Variants in SLC26A4 observed in about 807,000 individuals in gnomAD.
SLC26A4 encodes the protein solute carrier family 26 member 4, also known as pendrin.
A neutral mutation model predicts 90.4 loss-of-function variants in SLC26A4; 93 were observed. The ratio of observed to expected loss-of-function variants is 1.03; its 90% CI spans 0.87 to 1.22. SLC26A4 has a LOEUF of 1.22. SLC26A4 is among the 50% of genes most tolerant of loss of function. The pLI, the probability that SLC26A4 is intolerant of heterozygous loss-of-function variation, is 0.00. For missense variants in SLC26A4, 1,127 were observed against 946.2 expected, an observed-to-expected ratio of 1.19 and a Z score of -2.51; for synonymous variants, 393 against 354.6, an observed-to-expected ratio of 1.11 and a Z score of -1.22.
At chr7:107,704,159 A>T (rs1791975010) in intron 17 of SLC26A4, among the ~76,000 whole-genome samples, 172 bp from the exon 18 acceptor site, 1 of 152,212 alleles carries the variant, frequency 6.6e-6, no homozygotes, top group Non-Finnish European at 1.5e-5. Context: ...AATCCTAATT[A>T]TACCATTACT....
At chr7:107,715,354 A>G (rs1406547023) in intron 20 of SLC26A4, 69 bp from the exon 21 acceptor site, 1 of 1,246,120 alleles carries the variant, frequency 8.0e-7, no homozygotes, top group African/African-American at 1.5e-5. Context: ...ACATATTTAT[A>G]AAAAAGATAA....
At chr7:107,665,379 C>T (rs750755944) in intron 3 of SLC26A4, among the ~76,000 whole-genome samples, 6 of 151,946 alleles carry the variant, frequency 3.9e-5, no homozygotes, top group African/African-American at 7.3e-5. Flanking sequence ...CAAAGGTGGA[C>T]GGGAGAGAGA....
intron 9 of SLC26A4, 78 bp from the exon 10 acceptor site, chr7:107,690,046 T>C: frequency 5.7e-6 from 5 of 874,926 alleles, no homozygotes; most frequent in Non-Finnish European, 9.9e-6. Flanking sequence ...TCATTCTTAA[T>C]GTACTTCCTG....
At chr7:107,707,901 A>G (rs370793076) in intron 18 of SLC26A4, among the ~76,000 whole-genome samples, 14 of 152,210 alleles carry the variant, frequency 9.2e-5, no homozygotes, top group East Asian at 3.8e-4. Context: ...GTCAAATACC[A>G]AAGGTTTAAA....
chr7:107,712,741 A>T, intron 20 of SLC26A4, 119 bp downstream of exon 20: 1 of 710,164 alleles, frequency 1.4e-6, no homozygotes, highest in Non-Finnish European at 2.6e-6. Flanking sequence ...CCAAATGCAG[A>T]AAAGATGGCT....
At chr7:107,701,563 C>T (rs1562839306) in intron 16 of SLC26A4, among the ~76,000 whole-genome samples, 1 of 152,206 alleles carries the variant, frequency 6.6e-6, no homozygotes, top group Non-Finnish European at 1.5e-5. Context: ...TTAACTTTTA[C>T]TCAGATTCTT....
At chr7:107,684,163 G>A (rs1009013785) in intron 8 of SLC26A4, among the ~76,000 whole-genome samples, 6 of 152,140 alleles carry the variant, frequency 3.9e-5, no homozygotes, top group Admixed American at 1.3e-4. Context: ...TGAAACACCA[G>A]TGAGATCTCT....
chr7:107,711,040 G>C (rs1326442805), intron 19 of SLC26A4, among the ~76,000 whole-genome samples: 2 of 151,836 alleles, frequency 1.3e-5, no homozygotes, highest in Non-Finnish European at 2.9e-5. Context: ...CTTAGGAAAT[G>C]ATATTATATT....
chr7:107,672,852 A>C (rs1291584821), intron 4 of SLC26A4, among the ~76,000 whole-genome samples: 2 of 152,218 alleles, frequency 1.3e-5, no homozygotes, highest in African/African-American at 4.8e-5. Context: ...GTTTGTTAGA[A>C]TGTCCTAGTA....
chr7:107,682,534 C>T (rs1212467534), intron 6 of SLC26A4, among the ~76,000 whole-genome samples: 1 of 151,932 alleles, frequency 6.6e-6, no homozygotes, highest in East Asian at 1.9e-4. Flanking sequence ...TACCTGTATC[C>T]ACATATGAAG....
intron 8 of SLC26A4, among the ~76,000 whole-genome samples, chr7:107,687,834 T>C (rs980487192): frequency 6.6e-6 from 1 of 152,196 alleles, no homozygotes; most frequent in Non-Finnish European, 1.5e-5. Flanking sequence ...TGGTCCCAAG[T>C]CACATCCCAA....
At position 107,691,923 on chromosome 7, in the gene SLC26A4, C is replaced by T. The variant is rs184775800; in HGVS notation, c.1263+1686C>T. 1.2e-5 allele frequency: 15 copies of T among 1,286,166 alleles called. No individual in the cohort carries two copies. The African/African-American group carries it at 2.1e-4, about 18-fold the overall frequency. The allele number at this position is 1,286,166 out of a possible 1,614,324, so 79.7% of individuals were successfully genotyped here. A position where few individuals can be genotyped will look rare whatever the true frequency, so the allele number is the denominator to read the frequency against. On this transcript the variant is annotated intron_variant, in intron 10 of 20. Transcript: ENST00000644269. ...GCACATTTCAGGCTGCAGCTGTCAG[C>T]AGCAGGAACTTCTGCTGCTTTCATT...
chr7:107,710,188 A>G lies in SLC26A4; in HGVS notation c.2224A>G (p.Ile742Val), dbSNP rs1235046616. 6.2e-7 allele frequency: 1 copy of G among 1,602,552 alleles called. No individual in the cohort carries two copies. Among genetic ancestry groups the G allele is most frequent in the East Asian group, 2.2e-5 (1 of 44,808 alleles). ...QVKSQEGQGS[I>V]LETITLIQDC... ...GAAATCTCAAGAGGGTCAAGGTTCC[A>G]TTTTAGAAACGGTAAATATTCAACC... Residue 742 changes from isoleucine (I) to valine (V), a missense_variant, in exon 19 of 21, where the codon ATT becomes GTT. By Grantham distance (29) the Ile-to-Val change is conservative. Coordinates refer to ENST00000644269, the MANE Select transcript of SLC26A4 (RefSeq NM_000441.2).
In SLC26A4 at chr7:107,715,725, G is replaced by A. The variant is rs1024478215; in HGVS notation, c.*279G>A. On this transcript the variant is annotated 3_prime_UTR_variant, in exon 21 of 21. Transcript: ENST00000644269. Reference sequence around the variant, plus strand: ...TCACAGATTTGCTAATAATGTTCACGTGGGCCCTGGCATATCTCTGTTCAG... The same window carrying A: ...TCACAGATTTGCTAATAATGTTCACATGGGCCCTGGCATATCTCTGTTCAG... 1.2e-5 allele frequency: 6 copies of A among 506,722 alleles called. No homozygotes were observed. The Admixed American group carries it at 1.3e-4, about 11-fold the overall frequency. 31.4% of individuals were successfully genotyped at this position (506,722 alleles called of 1,614,324 possible). A position where few individuals can be genotyped will look rare whatever the true frequency, so the allele number is the denominator to read the frequency against.
chr7:107,692,355 C>G (rs1347324090), intron 10 of SLC26A4, among the ~76,000 whole-genome samples: 1 of 152,182 alleles, frequency 6.6e-6, no homozygotes, highest in African/African-American at 2.4e-5. Context: ...TGTGTGGCTT[C>G]TCGTGTTTTC....
intron 17 of SLC26A4, among the ~76,000 whole-genome samples, chr7:107,703,932 AG>A (rs1350121765): frequency 6.6e-6 from 1 of 152,242 alleles, no homozygotes; most frequent in Non-Finnish European, 1.5e-5. Context: ...AAATCACAGT[AG>A]GACACTGACA....
chr7:107,665,919 A>G lies in SLC26A4; in HGVS notation c.304+2484A>G, dbSNP rs186356748. ...ATGCTTTTCTAGAAACATTATCTCT[A>G]TAAAGTTTTCTGTGTAAGGTGAATT... On this transcript the variant is annotated intron_variant, in intron 3 of 20. Coordinates refer to ENST00000644269, the MANE Select transcript of SLC26A4 (RefSeq NM_000441.2). Among the ~76,000 whole-genome samples, 5 of 152,306 alleles carry G rather than the reference A, an allele frequency of 3.3e-5. No individual in the cohort carries two copies. In the East Asian group the frequency reaches 9.6e-4, roughly 29 times the overall value.
intron 17 of SLC26A4, among the ~76,000 whole-genome samples, chr7:107,702,795 GA>G (rs1791932953): frequency 6.6e-6 from 1 of 151,490 alleles, no homozygotes; most frequent in South Asian, 2.1e-4. Context: ...TATATGAAAA[GA>G]AAAAAATGGG....
rs111033305 is a variant in SLC26A4, at chr7:107,690,200, G to C, written c.1226G>C (p.Arg409Pro). Residue 409 changes from arginine (R) to proline (P), a missense_variant, in exon 10 of 21, where the codon CGC becomes CCC. By Grantham distance (103) the Arg-to-Pro change is moderately radical (BLOSUM62 -2). Transcript: ENST00000644269. ...TTTGTGGCCACCACTGCTCTTTCCC[G>C]CACGGCCGTCCAGGAGAGCACTGGA... is the stretch of plus-strand genomic sequence containing the variant. ...SCFVATTALS[R>P]TAVQESTGGK... The C allele has an allele frequency of 2.5e-6, 4 of 1,611,862 alleles. No homozygotes were observed. In the South Asian group the frequency reaches 4.4e-5, roughly 18 times the overall value.
Sources: allele counts gnomAD v4.1 joint callset (sites outside exome capture counted in the v4.1 genomes callset), GRCh38; gene constraint gnomAD v4.1.1; transcripts MANE v1.5; gene names NCBI Gene and HGNC (gene_info 2026-07-23, HGNC 2026-07-21).